Variants in ACP1 observed in about 807,000 individuals in gnomAD.
ACP1 encodes the protein acid phosphatase 1, also known as low molecular weight phosphotyrosine protein phosphatase.
Under a neutral mutation model 23.4 loss-of-function variants are expected in ACP1, and 23 were observed. The observed-to-expected ratio is 0.98, with a 90% CI of 0.71 to 1.39. ACP1 has a LOEUF of 1.39. Among genes scored for constraint, ACP1 ranks in the 40% most tolerant of loss-of-function variants. The pLI is 0.00. For synonymous variants in ACP1, 72 were observed against 67.2 expected (o/e 1.07, Z -0.35); for missense variants, 180 against 197.7 (o/e 0.91, Z 0.54).
At chr2:270,824 C>T (rs1214333711) in intron 1 of ACP1, among the ~76,000 whole-genome samples, 1 of 148,506 alleles carries the variant, frequency 6.7e-6, no homozygotes. Flanking sequence ...CCAGAATGTG[C>T]CCTATAGGTC....
intron 2 of ACP1, 24 bp from the exon 3 acceptor site, chr2:272,013 A>G (rs770415219): frequency 1.2e-6 from 2 of 1,606,256 alleles, no homozygotes; most frequent in Admixed American, 1.7e-5. Flanking sequence ...AAAAAAAAAA[A>G]ATTCCATGTT....
chr2:277,970 C>G lies in ACP1; in HGVS notation c.*666C>G, dbSNP rs1670223064. On this transcript the variant is annotated 3_prime_UTR_variant, in exon 6 of 6. Coordinates refer to ENST00000272065, the MANE Select transcript of ACP1 (RefSeq NM_004300.4). ...GGCTCCCATCTGAACCACTTTGCCTCTGAAACTTAATTACATCCAGAAAGA... is the reference window on the plus strand; with the variant it reads ...GGCTCCCATCTGAACCACTTTGCCTGTGAAACTTAATTACATCCAGAAAGA... 6.6e-6 allele frequency: 1 copy of G among 152,312 alleles called. No individual in the cohort carries two copies. Among genetic ancestry groups the G allele is most frequent in the Non-Finnish European group, 1.5e-5 (1 of 68,124 alleles). 9.4% of individuals were successfully genotyped at this position (152,312 alleles called of 1,614,324 possible). A position where few individuals can be genotyped will look rare whatever the true frequency, so the allele number is the denominator to read the frequency against.
rs754817583 is a variant in ACP1 at position 277,298 on chromosome 2, C to T, written c.471C>T (p.Ala157=). ...GCTGCAGAGCGTTCTTGGAGAAGGCCCACTGAGGCAGGTTCGTGCCCTGCT... is the reference window on the plus strand; with the variant it reads ...GCTGCAGAGCGTTCTTGGAGAAGGCTCACTGAGGCAGGTTCGTGCCCTGCT... ...VRCCRAFLEK[A]H is the part of the protein sequence containing the mutation. Residue 157 remains alanine, a synonymous_variant, in exon 6 of 6, where the codon GCC becomes GCT. Transcript: ENST00000272065. 6.2e-6 allele frequency: 10 copies of T among 1,612,528 alleles called. No individual in the cohort carries two copies. The highest frequency in any genetic ancestry group is 8.5e-6 in the Non-Finnish European group (10 of 1,180,024).
intron 3 of ACP1, among the ~76,000 whole-genome samples, chr2:274,172 A>G (rs1670113191): frequency 6.6e-6 from 1 of 152,164 alleles, no homozygotes; most frequent in East Asian, 1.9e-4. Context: ...CTAAAAACAA[A>G]AAGAAAAAAT....
In ACP1 at chr2:276,962, C is replaced by A. The variant is rs759973555; in HGVS notation, c.294-18C>A. On this transcript the variant is annotated intron_variant, in intron 4 of 5. Coordinates refer to ENST00000272065, the MANE Select transcript of ACP1 (RefSeq NM_004300.4). ...AAACCATAGATCAGAAAACTAAGTTCATATTTCAATTTTACAGAGATTTGA... is the reference window on the plus strand; with the variant it reads ...AAACCATAGATCAGAAAACTAAGTTAATATTTCAATTTTACAGAGATTTGA... The A allele has an allele frequency of 2.0e-5, 30 of 1,493,844 alleles. No homozygotes were observed. The highest frequency in any genetic ancestry group is 2.5e-5 in the Non-Finnish European group (27 of 1,081,400). The allele number at this position is 1,493,844 out of a possible 1,614,324, so 92.5% of individuals were successfully genotyped here. A position where few individuals can be genotyped will look rare whatever the true frequency, so the allele number is the denominator to read the frequency against.
At chr2:269,030 G>T (rs982882846) in intron 1 of ACP1, among the ~76,000 whole-genome samples, 8 of 152,094 alleles carry the variant, frequency 5.3e-5, no homozygotes, top group African/African-American at 1.9e-4. Flanking sequence ...TGAGATACTA[G>T]GCATCTGTTG....
At chr2:274,190 T>C (rs1395163542) in intron 3 of ACP1, among the ~76,000 whole-genome samples, 3 of 152,170 alleles carry the variant, frequency 2.0e-5, no homozygotes, top group Non-Finnish European at 4.4e-5. Context: ...AATTCAGTAT[T>C]GTACTTATTC....
At chr2:276,869 A>G (rs1670187806) in intron 4 of ACP1, 111 bp from the exon 5 acceptor site, 1 of 676,158 alleles carries the variant, frequency 1.5e-6, no homozygotes, top group Admixed American at 2.8e-5. Context: ...ATTTCAAATT[A>G]GGTCATTCTG....
In ACP1 at chr2:271,932, C is replaced by G. The variant is rs760959587; in HGVS notation, c.110C>G (p.Ser37Ter). The change falls in exon 2 of 6, where the codon TCA (serine) becomes TGA (stop). Residue 37 changes from serine to a stop codon, truncating the protein, a stop_gained. Coordinates refer to ENST00000272065, the MANE Select transcript of ACP1 (RefSeq NM_004300.4). LOFTEE classifies it high-confidence loss of function. ...FRKLVTDQNI[S>*]ENWRVDSAAT... The stretch of plus-strand genomic sequence containing the variant: ...AAACTTGTAACCGATCAAAACATCT[C>G]AGAGAATGTAAGTACCATTCATTAT... 6.2e-7 allele frequency: 1 copy of G among 1,611,778 alleles called. No individual in the cohort carries two copies. The highest frequency in any genetic ancestry group is 1.1e-5 in the South Asian group (1 of 91,024).
At chr2:265,614 A>G (rs1669849154) in intron 1 of ACP1, among the ~76,000 whole-genome samples, 1 of 152,170 alleles carries the variant, frequency 6.6e-6, no homozygotes, top group Non-Finnish European at 1.5e-5. Context: ...GAATTTCAAC[A>G]CTTAGCTTGC....
At chr2:275,484 ATTG>A (rs1670146191) in intron 4 of ACP1, 1 of 222,976 alleles carries the variant, frequency 4.5e-6, no homozygotes. Flanking sequence ...TATCAAGCAT[ATTG>A]TTCTGCATGA....
intron 3 of ACP1, among the ~76,000 whole-genome samples, chr2:273,542 T>C (rs2103074909): frequency 6.6e-6 from 1 of 152,336 alleles, no homozygotes; most frequent in South Asian, 2.1e-4. Context: ...GCGGCTGCTT[T>C]TGTGCTAGAG....
chr2:277,200 A>G (rs775166483), intron 5 of ACP1, 27 bp from the exon 6 acceptor site: 1 of 1,613,256 alleles, frequency 6.2e-7, no homozygotes. Flanking sequence ...AGGTTTTGCC[A>G]TTTTCTTCTT....
At chr2:271,755 T>C in intron 1 of ACP1, 111 bp from the exon 2 acceptor site, 1 of 863,250 alleles carries the variant, frequency 1.2e-6, no homozygotes, top group Non-Finnish European at 1.9e-6. Flanking sequence ...GCCTTTGTTT[T>C]TCCTGAGGGA....
chr2:271,849 C>T lies in ACP1; in HGVS notation c.44-17C>T. 3 of 1,609,502 alleles carry T rather than the reference C, an allele frequency of 1.9e-6. No individual in the cohort carries two copies. The highest frequency in any genetic ancestry group is 2.2e-5 in the South Asian group (2 of 90,980). ...TCCAACCTAACCCTGTTTCCCCACC[C>T]CTCCCTTTTTTTAAAGGTAACATTT... On this transcript the variant is annotated splice_polypyrimidine_tract_variant and intron_variant, in intron 1 of 5. Coordinates refer to ENST00000272065, the MANE Select transcript of ACP1 (RefSeq NM_004300.4).
chr2:275,999 A>T (rs1288568081), intron 4 of ACP1, among the ~76,000 whole-genome samples: 1 of 152,028 alleles, frequency 6.6e-6, no homozygotes, highest in Non-Finnish European at 1.5e-5. Context: ...TTCAGTCCTT[A>T]TTCTGTTCTC....
At position 272,020 on chromosome 2, in the gene ACP1, T is replaced by C. The variant is rs776031240; in HGVS notation, c.118-17T>C. ...TTGCAAAAAAAAAAAAAAAATTCCA[T>C]GTTTCTTCCCCTGCAGTGGAGGGTA... On this transcript the variant is annotated splice_polypyrimidine_tract_variant and intron_variant, in intron 2 of 5. Transcript: ENST00000272065. 2.4e-5 allele frequency: 39 copies of C among 1,594,832 alleles called. No homozygotes were observed. Among genetic ancestry groups the C allele is most frequent in the Non-Finnish European group, 2.8e-5 (33 of 1,171,152 alleles).
intron 3 of ACP1, 84 bp downstream of exon 3, chr2:272,234 C>G: frequency 6.2e-7 from 1 of 1,614,124 alleles, no homozygotes; most frequent in Non-Finnish European, 8.5e-7. Flanking sequence ...GAACGTGGGC[C>G]GGTCCCCAGA....
intron 1 of ACP1, among the ~76,000 whole-genome samples, chr2:270,864 T>TGTTC (rs1347581710): frequency 1.3e-5 from 2 of 151,560 alleles, no homozygotes; most frequent in African/African-American, 4.9e-5. Flanking sequence ...TTTGTTTGTT[T>TGTTC]GTTTTTGTTT....
Sources: gnomAD v4.1 joint callset for allele counts (sites outside exome capture counted in the v4.1 genomes callset) on GRCh38, gnomAD v4.1.1 for gene constraint, MANE v1.5 for transcripts, NCBI Gene and HGNC (gene_info 2026-07-23, HGNC 2026-07-21) for gene names.